SLAMF1: variants seen among roughly 807,000 people sequenced by gnomAD.
SLAMF1 encodes the protein signaling lymphocytic activation molecule family member 1, also known as signaling lymphocytic activation molecule.
A neutral mutation model predicts 35.1 loss-of-function variants in SLAMF1; 18 were observed. The observed-to-expected ratio is 0.51, with a 90% CI of 0.35 to 0.76. The LOEUF (loss-of-function observed/expected upper bound fraction) is 0.76, where lower values mean the gene tolerates loss of function less well. Ranked by LOEUF, SLAMF1 falls within the 30% of genes least tolerant of loss-of-function variation. The pLI is 0.01. For synonymous variants in SLAMF1, 168 were observed against 157.2 expected (o/e 1.07, Z -0.51); for missense variants, 392 against 413.0 (o/e 0.95, Z 0.44).
chr1:160,633,437 G>T (rs1660266607), intron 3 of SLAMF1, among the ~76,000 whole-genome samples: 1 of 152,194 alleles, frequency 6.6e-6, no homozygotes, highest in Non-Finnish European at 1.5e-5. Context: ...GAGTCTCTGT[G>T]ACAGGCAGTG....
intron 5 of SLAMF1, among the ~76,000 whole-genome samples, chr1:160,612,793 G>A (rs1384319389): frequency 6.6e-6 from 1 of 152,088 alleles, no homozygotes; most frequent in East Asian, 1.9e-4. Flanking sequence ...TGGCGTCTTG[G>A]GGTGCACAAC....
intron 1 of SLAMF1, 68 bp from the exon 2 acceptor site, chr1:160,637,597 AG>A: frequency 8.7e-7 from 1 of 1,149,896 alleles, no homozygotes; most frequent in Non-Finnish European, 1.2e-6. Context: ...TCAGCAGATC[AG>A]GAAGGACAGA....
rs1660817001 is a variant in SLAMF1 at position 160,642,722 on chromosome 1, A to G, written c.76+4148T>C. Among the ~76,000 whole-genome samples the G allele has an allele frequency of 6.6e-6, 1 of 152,218 alleles. No individual in the cohort carries two copies. Among genetic ancestry groups the G allele is most frequent in the Non-Finnish European group, 1.5e-5 (1 of 68,040 alleles). ...CCTTTATAGTATCCCTAAGAGGTAT[A>G]TTATGGAAGAAAGTGGTGGGGACCC... is the stretch of plus-strand genomic sequence containing the variant. On this transcript the variant is annotated intron_variant, in intron 1 of 6. Coordinates refer to ENST00000302035, the MANE Select transcript of SLAMF1 (RefSeq NM_003037.5). The surrounding 1 kb of genome is among the most constrained non-coding windows in gnomAD (Gnocchi z 4.2).
intron 2 of SLAMF1, 36 bp from the exon 3 acceptor site, chr1:160,634,933 G>C (rs1660357556): frequency 6.4e-7 from 1 of 1,564,188 alleles, no homozygotes; most frequent in African/African-American, 1.4e-5. Flanking sequence ...CATCACTGAA[G>C]TGAACCCCTG....
intron 5 of SLAMF1, chr1:160,615,773 T>C (rs1189599659): frequency 3.3e-6 from 1 of 302,876 alleles, no homozygotes; most frequent in Non-Finnish European, 6.7e-6. Flanking sequence ...ACTGTCCTTA[T>C]AAGAGATGGA....
intron 2 of SLAMF1, 57 bp from the exon 3 acceptor site, chr1:160,634,954 C>T: frequency 6.7e-7 from 1 of 1,494,406 alleles, no homozygotes; most frequent in Non-Finnish European, 9.1e-7. Flanking sequence ...GGAATTCTCA[C>T]TTGACCTTTT....
At chr1:160,636,903 C>T (rs1310633572) in intron 2 of SLAMF1, 10 of 409,140 alleles carry the variant, frequency 2.4e-5, no homozygotes, top group Non-Finnish European at 2.2e-5. Flanking sequence ...AACCAAGATC[C>T]TTGGGTCTAT....
intron 4 of SLAMF1, among the ~76,000 whole-genome samples, chr1:160,620,154 G>T (rs1035649529): frequency 2.1e-4 from 32 of 152,156 alleles, no homozygotes; most frequent in Admixed American, 9.8e-4. Context: ...TGCCCAATAC[G>T]CATTAGGTGT....
intron 3 of SLAMF1, among the ~76,000 whole-genome samples, chr1:160,633,265 C>A (rs763578545): frequency 1.3e-5 from 2 of 152,056 alleles, no homozygotes. Flanking sequence ...GCAAGGTGGG[C>A]AAGCAGCCAG....
At chr1:160,610,833 C>T (rs1658943198) in intron 6 of SLAMF1, 35 bp from the exon 7 acceptor site, 5 of 1,475,672 alleles carry the variant, frequency 3.4e-6, no homozygotes, top group African/African-American at 1.4e-5. Context: ...AGTAGAGGGA[C>T]TGGATACTCA....
Position 160,642,643 on chromosome 1 carries a change from A to G in SLAMF1, c.76+4227T>C, listed in dbSNP as rs975677865. Reference sequence around the variant, plus strand: ...GGGATGAATGAAAAATGAGCAAATGACAACACAGAGTCCAAGTTCTCCTCC... The same window carrying G: ...GGGATGAATGAAAAATGAGCAAATGGCAACACAGAGTCCAAGTTCTCCTCC... On this transcript the variant is annotated intron_variant, in intron 1 of 6. Coordinates refer to ENST00000302035, the MANE Select transcript of SLAMF1 (RefSeq NM_003037.5). This position sits in a 1 kb window ranked among gnomAD's most constrained non-coding sequence, Gnocchi z 4.2. Among the ~76,000 whole-genome samples, 2 of 152,232 alleles carry G rather than the reference A, an allele frequency of 1.3e-5. No homozygotes were observed. Among genetic ancestry groups the G allele is most frequent in the African/African-American group, 4.8e-5 (2 of 41,462 alleles).
intron 6 of SLAMF1, among the ~76,000 whole-genome samples, 166 bp from the exon 7 acceptor site, chr1:160,610,964 C>T (rs1381370056): frequency 6.6e-6 from 1 of 152,252 alleles, no homozygotes; most frequent in Non-Finnish European, 1.5e-5. Context: ...GGTTCCCACA[C>T]TGCTTCTCCA....
chr1:160,619,960 T>C, intron 4 of SLAMF1, 111 bp from the exon 5 acceptor site: 1 of 757,290 alleles, frequency 1.3e-6, no homozygotes, highest in African/African-American at 1.7e-5. Flanking sequence ...AAGGGCACAA[T>C]GGAAACAAAG....
At position 160,642,142 on chromosome 1, in the gene SLAMF1, T is replaced by C. The variant is rs1357688169; in HGVS notation, c.77-4613A>G. ...GAACTTACAGACCCCACAGTTCTTT[T>C]GGTAAATTTAGGCTCAGAAAGAAAA... On this transcript the variant is annotated intron_variant, in intron 1 of 6. Coordinates refer to ENST00000302035, the MANE Select transcript of SLAMF1 (RefSeq NM_003037.5). This position sits in a 1 kb window ranked among gnomAD's most constrained non-coding sequence, Gnocchi z 4.2. 6.6e-6 allele frequency among the ~76,000 whole-genome samples: 1 copy of C among 152,206 alleles called. No homozygotes were observed. The highest frequency in any genetic ancestry group is 1.5e-5 in the Non-Finnish European group (1 of 68,034).
chr1:160,644,699 G>C (rs1245363976), intron 1 of SLAMF1, among the ~76,000 whole-genome samples: 1 of 152,144 alleles, frequency 6.6e-6, no homozygotes, highest in Non-Finnish European at 1.5e-5. Flanking sequence ...CTGATACTCT[G>C]ATTTCCAGTC....
At chr1:160,614,596 A>G (rs1005022453) in intron 5 of SLAMF1, among the ~76,000 whole-genome samples, 1 of 151,284 alleles carries the variant, frequency 6.6e-6, no homozygotes, top group African/African-American at 2.4e-5. Flanking sequence ...AAAAAAGAAG[A>G]GAGACCTTTA....
intron 1 of SLAMF1, among the ~76,000 whole-genome samples, chr1:160,643,081 G>A (rs1660838779): frequency 6.6e-6 from 1 of 152,010 alleles, no homozygotes; most frequent in Admixed American, 6.6e-5. Context: ...TAAGAGCAAG[G>A]TCAATTGCTC....
chr1:160,614,289 C>G (rs1472539374), intron 5 of SLAMF1, among the ~76,000 whole-genome samples: 1 of 152,078 alleles, frequency 6.6e-6, no homozygotes, highest in Non-Finnish European at 1.5e-5. Flanking sequence ...TATTAAGAGA[C>G]CTTTGGCCGG....
intron 5 of SLAMF1, among the ~76,000 whole-genome samples, chr1:160,617,601 T>G (rs151271668): frequency 6.6e-6 from 1 of 152,158 alleles, no homozygotes; most frequent in South Asian, 2.1e-4. Context: ...AATTCAATTT[T>G]TATAAAGTTC....
Sources: gnomAD v4.1 joint callset for allele counts (sites outside exome capture counted in the v4.1 genomes callset) on GRCh38, gnomAD v4.1.1 for gene constraint, Gnocchi (gnomAD v3.1) non-coding constraint, MANE v1.5 for transcripts, NCBI Gene and HGNC (gene_info 2026-07-23, HGNC 2026-07-21) for gene names.